JPH2: variants seen among roughly 807,000 people sequenced by gnomAD.
JPH2 encodes junctophilin 2.
A neutral mutation model predicts 55.9 loss-of-function variants in JPH2; 38 were observed. The observed-to-expected ratio is 0.68, with a 90% CI of 0.52 to 0.89. The LOEUF (loss-of-function observed/expected upper bound fraction) is 0.89. Ranked by LOEUF, JPH2 falls within the 40% of genes least tolerant of loss-of-function variation. JPH2 has a pLI of 0.00. For synonymous variants in JPH2, 480 were observed against 472.4 expected (o/e 1.02, Z -0.21); for missense variants, 964 against 1,037.6 (o/e 0.93, Z 0.97).
At chr20:44,154,028 G>T (rs779811022) in intron 2 of JPH2, among the ~76,000 whole-genome samples, 6 of 152,150 alleles carry the variant, frequency 3.9e-5, no homozygotes, top group Non-Finnish European at 7.3e-5. Context: ...TCACAAAAGA[G>T]TTCTTAGCTA....
chr20:44,147,995 T>C (rs527680383), intron 2 of JPH2, among the ~76,000 whole-genome samples: 2 of 152,230 alleles, frequency 1.3e-5, no homozygotes, highest in African/African-American at 4.8e-5. Context: ...AAACCTTGTT[T>C]CTACTAAAAA....
At chr20:44,181,574 C>T (rs2072783843) in intron 1 of JPH2, among the ~76,000 whole-genome samples, 2 of 152,162 alleles carry the variant, frequency 1.3e-5, no homozygotes, top group Admixed American at 1.3e-4. Flanking sequence ...CATTTGACTG[C>T]AAGAAAAGGA....
At chr20:44,143,185 G>A (rs1007392643) in intron 2 of JPH2, among the ~76,000 whole-genome samples, 6 of 152,206 alleles carry the variant, frequency 3.9e-5, no homozygotes, top group Admixed American at 6.5e-5. Flanking sequence ...CAAATGATGG[G>A]GAGAGTGGTA....
rs2072600574 is a variant in JPH2, at chr20:44,160,258, G to A, written c.529C>T (p.Pro177Ser). 3.3e-6 allele frequency: 5 copies of A among 1,529,578 alleles called. No individual in the cohort carries two copies. The highest frequency in any genetic ancestry group is 4.4e-6 in the Non-Finnish European group (5 of 1,142,050). The allele number at this position is 1,529,578 out of a possible 1,614,324, so 94.8% of individuals were successfully genotyped here. ...RSEHSNGTVA[P>S]DSPASPASDG... ...GAGGCCGGCGAGGCGGGAGAGTCCG[G>A]GGCCACCGTGCCGTTGCTGTGCTCG... The change falls in exon 2 of 6, where the codon CCG (proline) becomes TCG (serine). Residue 177 changes from proline to serine, a missense_variant. Coordinates refer to ENST00000372980, the MANE Select transcript of JPH2 (RefSeq NM_020433.5). This position sits in a 1 kb window ranked among gnomAD's most constrained non-coding sequence, Gnocchi z 4.9.
At chr20:44,148,411 G>A (rs144717263) in intron 2 of JPH2, among the ~76,000 whole-genome samples, 4,522 of 152,164 alleles carry the variant, frequency 0.03, 105 homozygotes, top group Non-Finnish European at 0.044. Flanking sequence ...CCTGACTCCC[G>A]TTCCAGTGCT....
intron 2 of JPH2, among the ~76,000 whole-genome samples, chr20:44,122,997 T>C (rs2072249188): frequency 1.3e-5 from 2 of 152,166 alleles, no homozygotes; most frequent in Non-Finnish European, 2.9e-5. Flanking sequence ...CTGGTGCCTT[T>C]GGAAGCTGGG....
chr20:44,174,122 G>A (rs189170532), intron 1 of JPH2, among the ~76,000 whole-genome samples: 3 of 152,190 alleles, frequency 2.0e-5, no homozygotes, highest in Non-Finnish European at 2.9e-5. Flanking sequence ...AGTGTTGTGC[G>A]TGAGAAAATC....
rs1242744306 is a variant in JPH2 at position 44,134,093 on chromosome 20, T to G, written c.1170-15470A>C. ...TATAAATATATATTTATTATAAATA[T>G]ATATTTATTATAAATATATAAATAA... On this transcript the variant is annotated intron_variant, in intron 2 of 5. Transcript: ENST00000372980. 8.3e-5 allele frequency among the ~76,000 whole-genome samples: 2 copies of G among 24,238 alleles called. 1 individual carries two copies. Among genetic ancestry groups the G allele is most frequent in the Non-Finnish European group, 1.3e-4 (2 of 15,608 alleles). The allele number at this position is 24,238 out of a possible 152,430, so 15.9% of individuals were successfully genotyped here.
chr20:44,181,873 C>G (rs1268230007), intron 1 of JPH2, among the ~76,000 whole-genome samples: 1 of 152,228 alleles, frequency 6.6e-6, no homozygotes, highest in Non-Finnish European at 1.5e-5. Flanking sequence ...AACAGCAGGA[C>G]AATTTCCTGT....
At chr20:44,184,891 A>G (rs556171610) in intron 1 of JPH2, among the ~76,000 whole-genome samples, 1 of 152,266 alleles carries the variant, frequency 6.6e-6, no homozygotes, top group South Asian at 2.1e-4. Context: ...ATCTGTACAT[A>G]CTTGTGTATA....
intron 2 of JPH2, among the ~76,000 whole-genome samples, chr20:44,139,968 T>A (rs1476633378): frequency 6.6e-6 from 1 of 152,020 alleles, no homozygotes; most frequent in Non-Finnish European, 1.5e-5. Context: ...GCCTCCTGGG[T>A]TCAAGTGATT....
intron 2 of JPH2, among the ~76,000 whole-genome samples, chr20:44,155,200 C>T (rs1356443398): frequency 6.6e-6 from 1 of 152,174 alleles, no homozygotes; most frequent in South Asian, 2.1e-4. Flanking sequence ...GGCATTAGCT[C>T]GCATACTCCT....
At chr20:44,175,456 G>A (rs2072726615) in intron 1 of JPH2, among the ~76,000 whole-genome samples, 1 of 152,184 alleles carries the variant, frequency 6.6e-6, no homozygotes, top group Non-Finnish European at 1.5e-5. Context: ...TTGCTCTCTG[G>A]CTCGCCTGCA....
At chr20:44,180,552 G>C (rs182312480) in intron 1 of JPH2, among the ~76,000 whole-genome samples, 58 of 152,146 alleles carry the variant, frequency 3.8e-4, no homozygotes, top group African/African-American at 1.4e-3. Context: ...TGCCCAGGCT[G>C]GTCTTGAACT....
intron 2 of JPH2, among the ~76,000 whole-genome samples, chr20:44,157,668 A>G (rs1335885455): frequency 6.6e-6 from 1 of 152,240 alleles, no homozygotes; most frequent in Non-Finnish European, 1.5e-5. Context: ...GGATCTGGCC[A>G]AGGACATACA....
chr20:44,107,649 T>G lies in JPH2; in HGVS notation c.*5869A>C, dbSNP rs1056230461. ...ACAGCTATTCTATGACAAACTTATA[T>G]GGTGTATAGCAATTATAAACTGTGG... On this transcript the variant is annotated 3_prime_UTR_variant, in exon 6 of 6. Transcript: ENST00000372980. 6.6e-6 allele frequency among the ~76,000 whole-genome samples: 1 copy of G among 152,248 alleles called. No individual in the cohort carries two copies. The highest frequency in any genetic ancestry group is 6.5e-5 in the Admixed American group (1 of 15,282).
At chr20:44,123,680 C>T (rs1015250855) in intron 2 of JPH2, among the ~76,000 whole-genome samples, 3 of 152,220 alleles carry the variant, frequency 2.0e-5, no homozygotes, top group African/African-American at 7.2e-5. Context: ...GTGACCCCCA[C>T]CCAGTATCTT....
In JPH2 at chr20:44,149,348, C is replaced by G. The variant is rs75603812; in HGVS notation, c.1169+10270G>C. Among the ~76,000 whole-genome samples, 1,208 of 152,370 alleles carry G rather than the reference C, an allele frequency of 7.9e-3. 38 individuals are homozygous for G. The highest frequency in any genetic ancestry group is 0.065 in the East Asian group (338 of 5,180). ...CCAGGTGTGGTCATACACATTTGGG[C>G]AGACCGCTCCCAGCTCTCGTGGCTA... is the stretch of plus-strand genomic sequence containing the variant. On this transcript the variant is annotated intron_variant, in intron 2 of 5. Coordinates refer to ENST00000372980, the MANE Select transcript of JPH2 (RefSeq NM_020433.5).
intron 2 of JPH2, among the ~76,000 whole-genome samples, chr20:44,127,226 GC>G (rs2072283259): frequency 6.6e-6 from 1 of 152,192 alleles, no homozygotes; most frequent in African/African-American, 2.4e-5. Context: ...ACATTAGGGT[GC>G]TTTCCACTTT....
Sources: allele counts gnomAD v4.1 joint callset (sites outside exome capture counted in the v4.1 genomes callset), GRCh38; gene constraint gnomAD v4.1.1; non-coding constraint Gnocchi (gnomAD v3.1); transcripts MANE v1.5; gene names NCBI Gene and HGNC (gene_info 2026-07-23, HGNC 2026-07-21).